XRCC4: variants seen among roughly 807,000 people sequenced by gnomAD.
XRCC4 encodes the protein DNA repair protein XRCC4.
A neutral mutation model predicts 39.1 loss-of-function variants in XRCC4; 28 were observed. The observed-to-expected ratio is 0.72, with a 90% CI of 0.53 to 0.98. XRCC4 has a LOEUF of 0.98. Among genes scored for constraint, XRCC4 ranks in the 50% least tolerant of loss-of-function variants. The pLI, the probability that XRCC4 is intolerant of heterozygous loss-of-function variation, is 0.00. For synonymous variants in XRCC4, 123 were observed against 126.4 expected (o/e 0.97, Z 0.18); for missense variants, 350 against 376.4 (o/e 0.93, Z 0.58).
At chr5:83,200,619 C>G (rs918452574) in intron 4 of XRCC4, among the ~76,000 whole-genome samples, 1 of 152,116 alleles carries the variant, frequency 6.6e-6, no homozygotes, top group Non-Finnish European at 1.5e-5. Flanking sequence ...TACACATCAT[C>G]ATTCAATCAA....
At chr5:83,215,382 A>C (rs1350421237) in intron 6 of XRCC4, among the ~76,000 whole-genome samples, 1 of 152,076 alleles carries the variant, frequency 6.6e-6, no homozygotes. Context: ...AATACTTTCA[A>C]ATTGGTACAT....
At chr5:83,154,371 T>A (rs755798539) in intron 3 of XRCC4, among the ~76,000 whole-genome samples, 25 of 152,202 alleles carry the variant, frequency 1.6e-4, no homozygotes, top group Non-Finnish European at 3.4e-4. Context: ...AGTACCAACA[T>A]GAAATTCAAA....
chr5:83,176,193 A>G (rs1282751993), intron 3 of XRCC4, among the ~76,000 whole-genome samples: 1 of 152,228 alleles, frequency 6.6e-6, no homozygotes. Flanking sequence ...TTACTTAGAC[A>G]TAATTCATTT....
chr5:83,146,617 C>G (rs999276703), intron 3 of XRCC4, among the ~76,000 whole-genome samples: 3 of 152,148 alleles, frequency 2.0e-5, no homozygotes. Context: ...CAGGAGCTCT[C>G]TCATTTGTCA....
At chr5:83,249,661 G>C (rs563867820) in intron 6 of XRCC4, among the ~76,000 whole-genome samples, 2 of 152,250 alleles carry the variant, frequency 1.3e-5, no homozygotes, top group Non-Finnish European at 2.9e-5. Context: ...CCCTGTTAGT[G>C]ATCAGAGAGA....
chr5:83,102,099 T>C (rs1745969187), intron 1 of XRCC4, among the ~76,000 whole-genome samples: 1 of 152,124 alleles, frequency 6.6e-6, no homozygotes, highest in Non-Finnish European at 1.5e-5. Context: ...GAATGTGATA[T>C]TTCCTTGAAA....
chr5:83,231,480 A>G (rs1752493007), intron 6 of XRCC4, among the ~76,000 whole-genome samples: 1 of 152,092 alleles, frequency 6.6e-6, no homozygotes, highest in Admixed American at 6.6e-5. Flanking sequence ...GTACAACTGA[A>G]TAATTGAGAC....
At chr5:83,092,141 T>G (rs1745458378) in intron 1 of XRCC4, among the ~76,000 whole-genome samples, 1 of 152,172 alleles carries the variant, frequency 6.6e-6, no homozygotes, top group Non-Finnish European at 1.5e-5. Context: ...TATCTATCAG[T>G]TATTCAGATG....
At chr5:83,268,792 A>G (rs886139070) in intron 7 of XRCC4, among the ~76,000 whole-genome samples, 1 of 152,208 alleles carries the variant, frequency 6.6e-6, no homozygotes, top group Non-Finnish European at 1.5e-5. Flanking sequence ...CCCTAGGACC[A>G]TGATATATGA....
chr5:83,320,323 A>G (rs1756016010), intron 7 of XRCC4, among the ~76,000 whole-genome samples: 2 of 150,332 alleles, frequency 1.3e-5, no homozygotes, highest in Admixed American at 6.6e-5. Context: ...TAACCTGCAC[A>G]ATGTGCACAT....
intron 3 of XRCC4, among the ~76,000 whole-genome samples, chr5:83,186,330 A>G (rs936369056): frequency 6.6e-6 from 1 of 152,194 alleles, no homozygotes; most frequent in Admixed American, 6.5e-5. Flanking sequence ...AAGACCCTCT[A>G]TTAGTGTTTT....
At chr5:83,192,078 T>G (rs1397477239) in intron 3 of XRCC4, among the ~76,000 whole-genome samples, 1 of 148,922 alleles carries the variant, frequency 6.7e-6, no homozygotes, top group Admixed American at 6.7e-5. Flanking sequence ...GCGGATTAAA[T>G]TTAAAAAGCT....
At position 83,321,917 on chromosome 5, in the gene XRCC4, T is replaced by C. The variant is rs1289451128; in HGVS notation, c.894-31214T>C. On this transcript the variant is annotated intron_variant, in intron 7 of 7. Transcript: ENST00000396027. Reference sequence around the variant, plus strand: ...CCAGCCAAGCATTCACTGGAGGCATTACTCAGTGTCTGAGAGATTCAGTTG... The same window carrying C: ...CCAGCCAAGCATTCACTGGAGGCATCACTCAGTGTCTGAGAGATTCAGTTG... Among the ~76,000 whole-genome samples, 3 of 151,216 alleles carry C rather than the reference T, an allele frequency of 2.0e-5. No homozygotes were observed. In the South Asian group the frequency reaches 6.3e-4, roughly 32 times the overall value.
chr5:83,151,738 T>C (rs1748714157), intron 3 of XRCC4, among the ~76,000 whole-genome samples: 1 of 152,212 alleles, frequency 6.6e-6, no homozygotes, highest in South Asian at 2.1e-4. Flanking sequence ...TCAACAAATA[T>C]ATTTCTGCCG....
At chr5:83,205,426 A>C (rs1439058028) in intron 6 of XRCC4, among the ~76,000 whole-genome samples, 3 of 149,504 alleles carry the variant, frequency 2.0e-5, no homozygotes, top group African/African-American at 7.4e-5. Context: ...AGTTTAGTAC[A>C]AAGTACCTAT....
intron 3 of XRCC4, among the ~76,000 whole-genome samples, chr5:83,172,650 AAT>A (rs1373127071): frequency 2.2e-4 from 33 of 152,140 alleles, no homozygotes; most frequent in Non-Finnish European, 4.9e-4. Flanking sequence ...GTCTTTATTC[AAT>A]ATGTCACAAA....
chr5:83,322,149 T>G (rs902890882), intron 7 of XRCC4, among the ~76,000 whole-genome samples: 1 of 151,908 alleles, frequency 6.6e-6, no homozygotes. Context: ...TCTGAAGAAT[T>G]TTTTCCATAT....
intron 7 of XRCC4, among the ~76,000 whole-genome samples, chr5:83,271,453 T>C (rs993356791): frequency 1.2e-4 from 19 of 152,310 alleles, no homozygotes; most frequent in African/African-American, 4.3e-4. Context: ...ATTGTTATAA[T>C]ATTGGGATGG....
At chr5:83,122,467 G>A (rs1432509756) in intron 3 of XRCC4, among the ~76,000 whole-genome samples, 1 of 152,008 alleles carries the variant, frequency 6.6e-6, no homozygotes, top group Non-Finnish European at 1.5e-5. Context: ...AAGGTGCAGG[G>A]CTTCCCTCCA....
Sources: allele counts gnomAD v4.1 joint callset (sites outside exome capture counted in the v4.1 genomes callset), GRCh38; gene constraint gnomAD v4.1.1; transcripts MANE v1.5; gene names NCBI Gene and HGNC (gene_info 2026-07-23, HGNC 2026-07-21).